PAQR8: variants seen among roughly 807,000 people sequenced by gnomAD.
PAQR8 encodes membrane progestin receptor beta.
In PAQR8, 17 loss-of-function variants were observed where a neutral mutation model predicts 25.2. That is an observed-to-expected ratio of 0.67 (90% confidence interval 0.46 to 1.01). PAQR8 has a LOEUF of 1.01. Ranked by LOEUF, PAQR8 falls within the 50% of genes least tolerant of loss-of-function variation. The pLI, the probability that PAQR8 is intolerant of heterozygous loss-of-function variation, is 0.00. For synonymous variants in PAQR8, 204 were observed against 190.6 expected, an observed-to-expected ratio of 1.07 and a Z score of -0.58; for missense variants, 392 against 448.4, an observed-to-expected ratio of 0.87 and a Z score of 1.14.
At chr6:52,384,007 C>T (rs1763599061) in intron 1 of PAQR8, among the ~76,000 whole-genome samples, 1 of 151,856 alleles carries the variant, frequency 6.6e-6, no homozygotes, top group Non-Finnish European at 1.5e-5. Flanking sequence ...TATGGGTCTG[C>T]AGGGGAAGTG....
chr6:52,377,562 G>C (rs1368819951), intron 1 of PAQR8, among the ~76,000 whole-genome samples: 3 of 151,924 alleles, frequency 2.0e-5, no homozygotes, highest in Admixed American at 1.3e-4. Flanking sequence ...TTCCACTTTA[G>C]AGAAAAAAAT....
chr6:52,386,475 A>G (rs1763634339), intron 1 of PAQR8, among the ~76,000 whole-genome samples: 1 of 152,256 alleles, frequency 6.6e-6, no homozygotes, highest in Admixed American at 6.5e-5. Flanking sequence ...CAGTGAATTG[A>G]ATAAAGAAAT....
At chr6:52,366,307 G>C (rs1421169856) in intron 1 of PAQR8, among the ~76,000 whole-genome samples, 2 of 152,198 alleles carry the variant, frequency 1.3e-5, no homozygotes, top group South Asian at 4.1e-4. Context: ...AGGCAAGCAA[G>C]TGCTGGAGAT....
At position 52,404,173 on chromosome 6, in the gene PAQR8, C is replaced by T. The variant is rs779195984; in HGVS notation, c.960C>T (p.Val320=). The T allele has an allele frequency of 6.2e-7, 1 of 1,614,114 alleles. No homozygotes were observed. The highest frequency in any genetic ancestry group is 8.5e-7 in the Non-Finnish European group (1 of 1,179,986). Residue 320 remains valine, a synonymous_variant, in exon 2 of 2, where the codon GTC becomes GTT. Coordinates refer to ENST00000442253, the MANE Select transcript of PAQR8 (RefSeq NM_133367.5). ...TGCAGCGCCATGGACCCCTATCTGT[C>T]CACATGGCCTGCCTCTCCTTCTTCT... The part of the protein sequence containing the change: ...IFLQRHGPLS[V]HMACLSFFFL...
intron 1 of PAQR8, among the ~76,000 whole-genome samples, chr6:52,390,300 A>T (rs1439409493): frequency 6.6e-6 from 1 of 152,266 alleles, no homozygotes; most frequent in African/African-American, 2.4e-5. Context: ...GTGACAGAAC[A>T]GACAGAAATT....
At chr6:52,381,749 A>T (rs972176435) in intron 1 of PAQR8, among the ~76,000 whole-genome samples, 3 of 152,220 alleles carry the variant, frequency 2.0e-5, no homozygotes, top group Admixed American at 6.5e-5. Flanking sequence ...ATTTTGGGTG[A>T]TTTAACAAGA....
intron 1 of PAQR8, among the ~76,000 whole-genome samples, chr6:52,378,559 G>T (rs1454298859): frequency 1.3e-5 from 2 of 152,146 alleles, no homozygotes; most frequent in East Asian, 3.9e-4. Context: ...TTGGGAGGCC[G>T]AGGCGGGCGG....
At chr6:52,390,290 G>A (rs716970) in intron 1 of PAQR8, among the ~76,000 whole-genome samples, 27,240 of 152,214 alleles carry the variant, frequency 0.18, 2,661 homozygotes, top group Non-Finnish European at 0.22. Flanking sequence ...AGTATAGGAA[G>A]TGACAGAACA....
At chr6:52,367,689 CA>C (rs1007634175) in intron 1 of PAQR8, among the ~76,000 whole-genome samples, 4 of 152,190 alleles carry the variant, frequency 2.6e-5, no homozygotes, top group African/African-American at 9.7e-5. Flanking sequence ...GTGTACTCTG[CA>C]GATCAACCAC....
At chr6:52,364,093 T>TTTTTTTTTG (rs1763324808) in intron 1 of PAQR8, among the ~76,000 whole-genome samples, 2 of 144,976 alleles carry the variant, frequency 1.4e-5, no homozygotes, top group African/African-American at 2.5e-5. Context: ...GTTTTTTTTT[T>TTTTTTTTTG]TTTTTTTTTT....
At position 52,404,098 on chromosome 6, in the gene PAQR8, C is replaced by G; in HGVS notation, c.885C>G (p.Ser295=). The change falls in exon 2 of 2, where the codon TCC becomes TCG. Residue 295 remains serine, a synonymous_variant. Coordinates refer to ENST00000442253, the MANE Select transcript of PAQR8 (RefSeq NM_133367.5). Reference sequence around the variant, plus strand: ...CATTTCTGTCCATCTGTACGCTCTCCCAGCTGGAGGCCATCCTCCTGGACT... The same window carrying G: ...CATTTCTGTCCATCTGTACGCTCTCGCAGCTGGAGGCCATCCTCCTGGACT... The part of the protein sequence containing the change: ...FHAFLSICTL[S]QLEAILLDYQ... 6.2e-7 allele frequency: 1 copy of G among 1,614,232 alleles called. No individual in the cohort carries two copies. Among genetic ancestry groups the G allele is most frequent in the Non-Finnish European group, 8.5e-7 (1 of 1,180,026 alleles).
intron 1 of PAQR8, among the ~76,000 whole-genome samples, chr6:52,374,157 C>T (rs1444812666): frequency 6.6e-6 from 1 of 152,224 alleles, no homozygotes; most frequent in Non-Finnish European, 1.5e-5. Flanking sequence ...CATCATGCTT[C>T]CTGTACAGCC....
intron 1 of PAQR8, among the ~76,000 whole-genome samples, chr6:52,379,065 C>T (rs1475153641): frequency 1.4e-5 from 2 of 144,708 alleles, no homozygotes; most frequent in Admixed American, 1.4e-4. Flanking sequence ...CCACTGCACT[C>T]CAGCCTGAGT....
intron 1 of PAQR8, among the ~76,000 whole-genome samples, chr6:52,383,410 C>A (rs1009098444): frequency 1.3e-5 from 2 of 152,024 alleles, no homozygotes; most frequent in African/African-American, 4.8e-5. Flanking sequence ...GCCTGTAATC[C>A]CAGCACTTTG....
chr6:52,400,974 A>C (rs1316780867), intron 1 of PAQR8, among the ~76,000 whole-genome samples: 1 of 152,208 alleles, frequency 6.6e-6, no homozygotes, highest in Non-Finnish European at 1.5e-5. Context: ...CAGAGTGCTA[A>C]GCACTTCATT....
chr6:52,373,718 A>C (rs1581789526), intron 1 of PAQR8: 1 of 150,200 alleles, frequency 6.7e-6, no homozygotes, highest in Non-Finnish European at 1.5e-5. Flanking sequence ...AGATTGGATA[A>C]GCTGGCTACA....
intron 1 of PAQR8, among the ~76,000 whole-genome samples, chr6:52,384,238 C>T (rs564339221): frequency 6.6e-6 from 1 of 152,268 alleles, no homozygotes; most frequent in African/African-American, 2.4e-5. Context: ...GGGACATCTA[C>T]ACATACGTAG....
chr6:52,388,862 TGA>T (rs1276561515), intron 1 of PAQR8, among the ~76,000 whole-genome samples: 2 of 152,202 alleles, frequency 1.3e-5, no homozygotes, highest in African/African-American at 2.4e-5. Context: ...AGCCTGAATT[TGA>T]GAGAGAAGTG....
chr6:52,379,096 CAAAA>C (rs70977347), intron 1 of PAQR8, among the ~76,000 whole-genome samples: 13 of 92,978 alleles, frequency 1.4e-4, no homozygotes, highest in Non-Finnish European at 1.9e-4. Context: ...TACTCTTTAT[CAAAA>C]AAAAAAAAAA....
Sources: gnomAD v4.1 joint callset for allele counts (sites outside exome capture counted in the v4.1 genomes callset) on GRCh38, gnomAD v4.1.1 for gene constraint, MANE v1.5 for transcripts, NCBI Gene and HGNC (gene_info 2026-07-23, HGNC 2026-07-21) for gene names.